C16orf95: variants seen among roughly 807,000 people sequenced by gnomAD.
The protein encoded by C16orf95 is uncharacterized protein C16orf95.
A neutral mutation model predicts 32.1 loss-of-function variants in C16orf95; 41 were observed. The observed-to-expected ratio is 1.28, with a 90% CI of 1.00 to 1.66. The LOEUF is 1.66. Among genes scored for constraint, C16orf95 ranks in the 40% most tolerant of loss-of-function variants. The pLI is 0.00. For missense variants in C16orf95, 399 were observed against 325.9 expected (o/e 1.22, Z -1.73); for synonymous variants, 147 against 128.9 (o/e 1.14, Z -0.95).
At chr16:87,303,344 A>G (rs1910851997) in intron 6 of C16orf95, 1 of 477,272 alleles carries the variant, frequency 2.1e-6, no homozygotes, top group Admixed American at 3.3e-5. Context: ...CTGGCTTTGC[A>G]GAACTGTGAA....
intron 6 of C16orf95, among the ~76,000 whole-genome samples, chr16:87,304,957 G>T (rs972567978): frequency 1.3e-5 from 2 of 152,246 alleles, no homozygotes. Context: ...GACTGTGTGT[G>T]TGCGTTTGTT....
chr16:87,315,998 G>C (rs1012872463), intron 1 of C16orf95, among the ~76,000 whole-genome samples, 175 bp from the exon 2 acceptor site: 2 of 152,282 alleles, frequency 1.3e-5, no homozygotes, highest in African/African-American at 4.8e-5. Flanking sequence ...ATCAGAAGCA[G>C]GCGTGTGCTA....
At chr16:87,313,496 G>A (rs915150392) in intron 3 of C16orf95, among the ~76,000 whole-genome samples, 5 of 152,210 alleles carry the variant, frequency 3.3e-5, no homozygotes, top group Non-Finnish European at 7.3e-5. Context: ...CACTTTGGGA[G>A]GCCGAGGCGG....
intron 5 of C16orf95, among the ~76,000 whole-genome samples, chr16:87,308,782 A>C (rs906944747): frequency 3.3e-5 from 5 of 152,184 alleles, no homozygotes; most frequent in Admixed American, 2.0e-4. Context: ...TTTCCACTGA[A>C]AGCTCTATTC....
rs756090098 is a variant in C16orf95, at chr16:87,305,772, G to T, written c.648C>A (p.Pro216=). 2.6e-6 allele frequency: 4 copies of T among 1,518,980 alleles called. No individual in the cohort carries two copies. In the South Asian group the frequency reaches 3.6e-5, roughly 14 times the overall value. 94.1% of individuals were successfully genotyped at this position (1,518,980 alleles called of 1,614,324 possible). A position where few individuals can be genotyped will look rare whatever the true frequency, so the allele number is the denominator to read the frequency against. ...QLPAPAARLL[P]LGLLTLLQAI... The stretch of plus-strand genomic sequence containing the variant: ...CCTGGAGGAGGGTCAGGAGGCCGAG[G>T]GGCAGCAGACGCGCTGCAGGAGCCG... Residue 216 remains proline, a synonymous_variant, in exon 6 of 7, where the codon CCC becomes CCA. Transcript: ENST00000567970. This position sits in a 1 kb window ranked among gnomAD's most constrained non-coding sequence, Gnocchi z 4.2.
In C16orf95 at chr16:87,315,086, C is replaced by A. The variant is rs1167339954; in HGVS notation, c.215G>T (p.Gly72Val). 6.5e-7 allele frequency: 1 copy of A among 1,535,998 alleles called. No individual in the cohort carries two copies. The highest frequency in any genetic ancestry group is 8.7e-7 in the Non-Finnish European group (1 of 1,146,852). Residue 72 changes from glycine (G) to valine (V), a missense_variant, in exon 3 of 7, where the codon GGC becomes GTC. By Grantham distance (109) the Gly-to-Val change is moderately radical (BLOSUM62 -3). Coordinates refer to ENST00000567970, the MANE Select transcript of C16orf95 (RefSeq NM_001195124.3). ...GCATTCACAGCAGATGGCCCAGGGG[C>A]CAGGGTGCATCTGAGTAAGATCCAG... ...VCLPRHSMHP[G>V]PWAICCECQT...
chr16:87,304,259 C>T (rs539690627), intron 6 of C16orf95, among the ~76,000 whole-genome samples: 12 of 132,558 alleles, frequency 9.1e-5, no homozygotes, highest in African/African-American at 3.4e-4. Context: ...ATCCTCCCAC[C>T]TTGGCCTCCG....
chr16:87,312,356 A>G (rs1479005781), intron 3 of C16orf95, among the ~76,000 whole-genome samples: 1 of 152,158 alleles, frequency 6.6e-6, no homozygotes, highest in Non-Finnish European at 1.5e-5. Flanking sequence ...ATCACTTGAG[A>G]TCAGGTGTTT....
At chr16:87,303,811 G>A (rs1299113941) in intron 6 of C16orf95, among the ~76,000 whole-genome samples, 2 of 152,076 alleles carry the variant, frequency 1.3e-5, no homozygotes, top group African/African-American at 4.8e-5. Context: ...TGCACTTCTG[G>A]GGAACTTCAA....
chr16:87,317,338 C>CCAACCCGAGCT lies in C16orf95; in HGVS notation c.-107_-97dup, dbSNP rs1438101558. 1.4e-6 allele frequency: 2 copies of CCAACCCGAGCT among 1,433,120 alleles called. No homozygotes were observed. Among genetic ancestry groups the CCAACCCGAGCT allele is most frequent in the Non-Finnish European group, 1.8e-6 (2 of 1,093,864 alleles). 88.8% of individuals were successfully genotyped at this position (1,433,120 alleles called of 1,614,324 possible). On this transcript the variant is annotated 5_prime_UTR_variant, in exon 1 of 7. Coordinates refer to ENST00000567970, the MANE Select transcript of C16orf95 (RefSeq NM_001195124.3). ...CTTTCCCTCCTGCCCCAGGAGGAAC[C>CCAACCCGAGCT]CAACCCGAGCTCAACCCCAGCCCCA...
chr16:87,311,031 A>G (rs1315581414), intron 4 of C16orf95, 119 bp downstream of exon 4: 1 of 978,242 alleles, frequency 1.0e-6, no homozygotes, highest in Non-Finnish European at 1.4e-6. Context: ...GGACACCAGC[A>G]GAGGCCTTTG....
intron 3 of C16orf95, among the ~76,000 whole-genome samples, chr16:87,312,255 G>T (rs1331212767): frequency 6.6e-6 from 1 of 152,162 alleles, no homozygotes; most frequent in Non-Finnish European, 1.5e-5. Flanking sequence ...AGCTCTGCAC[G>T]TAGTGGTAGA....
chr16:87,308,990 T>A (rs1911150772), intron 5 of C16orf95, among the ~76,000 whole-genome samples: 1 of 152,208 alleles, frequency 6.6e-6, no homozygotes. Flanking sequence ...CACAAACTGA[T>A]GTGGATGGGC....
At chr16:87,316,360 A>G (rs973649148) in intron 1 of C16orf95, among the ~76,000 whole-genome samples, 4 of 152,134 alleles carry the variant, frequency 2.6e-5, no homozygotes. Context: ...ACTCCCCAAC[A>G]AACTGCTTGA....
intron 4 of C16orf95, 132 bp from the exon 5 acceptor site, chr16:87,310,465 G>A (rs776182221): frequency 6.9e-5 from 56 of 817,054 alleles, no homozygotes; most frequent in Non-Finnish European, 1.0e-4. Flanking sequence ...TCCTCCTTAT[G>A]AGGTCTGCGG....
intron 3 of C16orf95, among the ~76,000 whole-genome samples, chr16:87,311,807 G>A (rs570536642): frequency 5.9e-5 from 9 of 152,224 alleles, no homozygotes; most frequent in Non-Finnish European, 1.3e-4. Context: ...AGTGTCCTAT[G>A]CACAGAAATA....
chr16:87,306,699 C>A (rs141143840), intron 5 of C16orf95, among the ~76,000 whole-genome samples: 2 of 152,264 alleles, frequency 1.3e-5, no homozygotes, highest in African/African-American at 4.8e-5. Context: ...TCCGTACTTG[C>A]GGCCAGAGGG....
rs1418654828 is a variant in C16orf95, at chr16:87,310,289, G to A, written c.514+8C>T. The A allele has an allele frequency of 2.6e-6, 4 of 1,535,920 alleles. No individual in the cohort carries two copies. Among genetic ancestry groups the A allele is most frequent in the South Asian group, 1.2e-5 (1 of 84,058 alleles). ...GGATGATATGAGACACACACACACT[G>A]GAGTTACCTTGGATGCCTTTCAAAC... On this transcript the variant is annotated splice_region_variant and intron_variant, in intron 5 of 6. Coordinates refer to ENST00000567970, the MANE Select transcript of C16orf95 (RefSeq NM_001195124.3).
At chr16:87,314,237 T>G (rs533522423) in intron 3 of C16orf95, among the ~76,000 whole-genome samples, 8 of 152,310 alleles carry the variant, frequency 5.3e-5, no homozygotes, top group African/African-American at 1.9e-4. Context: ...CAGCTTTGTG[T>G]GTAACACATA....
Sources: allele counts gnomAD v4.1 joint callset (sites outside exome capture counted in the v4.1 genomes callset), GRCh38; gene constraint gnomAD v4.1.1; non-coding constraint Gnocchi (gnomAD v3.1); transcripts MANE v1.5; gene names NCBI Gene and HGNC (gene_info 2026-07-23, HGNC 2026-07-21).